The following DDX60 variants were observed in gnomAD, a reference collection of about 807,000 sequenced individuals.
DDX60 encodes probable ATP-dependent RNA helicase DDX60.
DDX60 carries 165 observed loss-of-function variants against 212.8 expected under a neutral mutation model. The ratio of observed to expected loss-of-function variants is 0.78; its 90% CI spans 0.68 to 0.88. The LOEUF is 0.88. Ranked by LOEUF, DDX60 falls within the 40% of genes least tolerant of loss-of-function variation. The pLI is 0.00. For missense variants in DDX60, 1,905 were observed against 2,003.9 expected (o/e 0.95, Z 0.94); for synonymous variants, 703 against 685.3 (o/e 1.03, Z -0.40).
chr4:168,221,990 A>C, intron 35 of DDX60, 109 bp from the exon 36 acceptor site: 2 of 1,165,816 alleles, frequency 1.7e-6, no homozygotes, highest in Non-Finnish European at 2.4e-6. Context: ...TTTAAAGCCC[A>C]CTCTTCACTG....
At chr4:168,303,507 T>C (rs539236552) in intron 5 of DDX60, among the ~76,000 whole-genome samples, 4 of 152,272 alleles carry the variant, frequency 2.6e-5, no homozygotes, top group South Asian at 4.1e-4. Flanking sequence ...AAGAGCCACA[T>C]AACAATGTTT....
intron 15 of DDX60, 121 bp downstream of exon 15, chr4:168,275,894 T>C: frequency 2.3e-6 from 2 of 883,364 alleles, no homozygotes; most frequent in Non-Finnish European, 3.2e-6. Context: ...GGGTTACTAC[T>C]AATAATAGTA....
intron 12 of DDX60, 111 bp downstream of exon 12, chr4:168,284,709 A>G (rs892302661): frequency 1.9e-6 from 1 of 517,708 alleles, no homozygotes; most frequent in Non-Finnish European, 3.4e-6. Flanking sequence ...CTTGTAGACT[A>G]TTTTCATTCA....
At position 168,286,457 on chromosome 4, in the gene DDX60, T is replaced by TAGATAGATAGATAGATAC. The variant is rs759142577; in HGVS notation, c.1339+590_1339+591insGTATCTATCTATCTATCT. ...AGATAGATAGATAGATAGATAGATA[T>TAGATAGATAGATAGATAC]TACATATCAAGTATATTATGATAAT... On this transcript the variant is annotated intron_variant, in intron 10 of 37. Transcript: ENST00000393743. Among the ~76,000 whole-genome samples the TAGATAGATAGATAGATAC allele has an allele frequency of 5.3e-3, 714 of 134,062 alleles. 12 individuals carry two copies. Among genetic ancestry groups the TAGATAGATAGATAGATAC allele is most frequent in the East Asian group, 0.04 (199 of 4,960 alleles). 87.9% of individuals were successfully genotyped at this position (134,062 alleles called of 152,430 possible).
chr4:168,296,805 AG>A (rs1214605648), intron 6 of DDX60, among the ~76,000 whole-genome samples: 1 of 152,120 alleles, frequency 6.6e-6, no homozygotes, highest in African/African-American at 2.4e-5. Flanking sequence ...ATAAAGCAGA[AG>A]AAATCTCTAA....
At chr4:168,274,730 C>T (rs1335319008) in intron 16 of DDX60, among the ~76,000 whole-genome samples, 1 of 150,046 alleles carries the variant, frequency 6.7e-6, no homozygotes, top group African/African-American at 2.5e-5. Context: ...CATGAAAAGG[C>T]ACCATGCATT....
intron 16 of DDX60, 131 bp from the exon 17 acceptor site, chr4:168,274,214 T>C (rs1735229040): frequency 9.1e-7 from 1 of 1,101,520 alleles, no homozygotes; most frequent in Non-Finnish European, 1.3e-6. Context: ...GAAGGTCTCA[T>C]GTCATTCTCT....
chr4:168,221,854 G>A lies in DDX60; in HGVS notation c.4852C>T (p.Arg1618Cys), dbSNP rs367640779. 5.6e-6 allele frequency: 9 copies of A among 1,612,666 alleles called. No homozygotes were observed. In the Admixed American group the frequency reaches 6.7e-5, roughly 12 times the overall value. ...HVTLGTIGVN[R>C]SQAPVLLSQK... ...GACAACAGCACTGGAGCCTGAGAGC[G>A]ATTGACACCGATTGTGCCTAGAGTA... The change falls in exon 36 of 38, where the codon CGC (arginine) becomes TGC (cysteine). Residue 1618 changes from arginine to cysteine, a missense_variant. By Grantham distance (180) the Arg-to-Cys change is radical. Coordinates refer to ENST00000393743, the MANE Select transcript of DDX60 (RefSeq NM_017631.6).
chr4:168,305,688 T>C (rs115506929), intron 5 of DDX60, among the ~76,000 whole-genome samples: 4,581 of 150,470 alleles, frequency 0.03, 84 homozygotes, highest in Non-Finnish European at 0.046. Flanking sequence ...AATATATCCG[T>C]ATGCATATTT....
intron 28 of DDX60, among the ~76,000 whole-genome samples, chr4:168,249,158 T>C (rs1419834784): frequency 6.6e-6 from 1 of 152,254 alleles, no homozygotes; most frequent in Non-Finnish European, 1.5e-5. Flanking sequence ...CTATTTTGTC[T>C]ACTAAAATTT....
Position 168,311,511 on chromosome 4 carries a change from T to TATTA in DDX60, c.-106-150_-106-147dup, listed in dbSNP as rs1579088073. On this transcript the variant is annotated intron_variant, in intron 1 of 37. Coordinates refer to ENST00000393743, the MANE Select transcript of DDX60 (RefSeq NM_017631.6). ...AGTTCTCACAGAGCTTAAAGATAATTATTAATCAGATAATCATAGAAACAA... is the reference window on the plus strand; with the variant it reads ...AGTTCTCACAGAGCTTAAAGATAATTATTAATTAATCAGATAATCATAGAAACAA... 2.4e-5 allele frequency: 11 copies of TATTA among 450,704 alleles called. 1 individual carries two copies. Among genetic ancestry groups the TATTA allele is most frequent in the Admixed American group, 2.3e-4 (6 of 25,702 alleles). 27.9% of individuals were successfully genotyped at this position (450,704 alleles called of 1,614,324 possible). A position where few individuals can be genotyped will look rare whatever the true frequency, so the allele number is the denominator to read the frequency against.
chr4:168,310,935 C>T, intron 3 of DDX60, 63 bp downstream of exon 3: 1 of 988,592 alleles, frequency 1.0e-6, no homozygotes, highest in East Asian at 2.5e-5. Flanking sequence ...AGCATAAGGC[C>T]AAATAGACAT....
intron 1 of DDX60, among the ~76,000 whole-genome samples, chr4:168,312,027 T>TA (rs1002793357): frequency 6.6e-6 from 1 of 152,078 alleles, no homozygotes; most frequent in African/African-American, 2.4e-5. Context: ...TTTGATGTAA[T>TA]ATAGTTTGAT....
chr4:168,289,091 C>G (rs1735980417), intron 8 of DDX60, among the ~76,000 whole-genome samples: 1 of 152,184 alleles, frequency 6.6e-6, no homozygotes, highest in Non-Finnish European at 1.5e-5. Flanking sequence ...TAGCTGTGCT[C>G]ATGGACCACA....
intron 30 of DDX60, among the ~76,000 whole-genome samples, chr4:168,238,707 A>C (rs961717415): frequency 6.6e-6 from 1 of 152,124 alleles, no homozygotes; most frequent in African/African-American, 2.4e-5. Context: ...TGAGGGTTTC[A>C]TGGTGGTTCA....
At chr4:168,311,129 G>T (rs1737116164) in intron 2 of DDX60, 62 bp from the exon 3 acceptor site, 28 of 1,408,986 alleles carry the variant, frequency 2.0e-5, no homozygotes, top group Non-Finnish European at 2.8e-5. Context: ...CTTTTTACAG[G>T]AGCTATCATT....
At chr4:168,272,188 G>T in intron 18 of DDX60, 50 bp from the exon 19 acceptor site, 2 of 1,412,688 alleles carry the variant, frequency 1.4e-6, no homozygotes, top group Non-Finnish European at 9.8e-7. Flanking sequence ...CTTACTATGT[G>T]TTGACATATT....
At chr4:168,322,253 A>G (rs991904468), upstream of DDX60, among the ~76,000 whole-genome samples, 5 of 152,134 alleles carry the variant, frequency 3.3e-5, no homozygotes, top group Non-Finnish European at 7.4e-5. Flanking sequence ...CTTCAAATCA[A>G]TTTCTTTTCC....
chr4:168,279,922 A>G (rs553147481), intron 14 of DDX60, among the ~76,000 whole-genome samples: 31 of 152,286 alleles, frequency 2.0e-4, no homozygotes, highest in African/African-American at 7.2e-4. Context: ...ATCACAAAAG[A>G]ATGGCAACCT....
Sources: gnomAD v4.1 joint callset for allele counts (sites outside exome capture counted in the v4.1 genomes callset) on GRCh38, gnomAD v4.1.1 for gene constraint, MANE v1.5 for transcripts, NCBI Gene and HGNC (gene_info 2026-07-23, HGNC 2026-07-21) for gene names.